Variants in NTM observed in about 807,000 individuals in gnomAD.
The protein encoded by NTM is IgLON family member 2.
Under a neutral mutation model 42.1 loss-of-function variants are expected in NTM, and 13 were observed. The observed-to-expected ratio is 0.31, with a 90% CI of 0.20 to 0.49. The LOEUF (loss-of-function observed/expected upper bound fraction) is 0.49. NTM is among the 20% of genes least tolerant of loss of function. The probability of loss-of-function intolerance (pLI) is 0.99; values close to 1 mark genes in which losing one functional copy is unlikely to be tolerated. For synonymous variants in NTM, 187 were observed against 179.2 expected, an observed-to-expected ratio of 1.04 and a Z score of -0.35; for missense variants, 373 against 452.8, an observed-to-expected ratio of 0.82 and a Z score of 1.60.
At chr11:131,681,519 C>T (rs568088375) in intron 1 of NTM, among the ~76,000 whole-genome samples, 1 of 43,566 alleles carries the variant, frequency 2.3e-5, no homozygotes, top group African/African-American at 6.8e-5. Context: ...GTTTCTGTGT[C>T]TGTGTGTATG....
At chr11:132,075,729 G>A (rs549035996) in intron 2 of NTM, among the ~76,000 whole-genome samples, 1 of 152,252 alleles carries the variant, frequency 6.6e-6, no homozygotes, top group African/African-American at 2.4e-5. Context: ...CCTCTTCCCA[G>A]AAAGGTTTAC....
chr11:131,497,992 A>G (rs1399610699), intron 1 of NTM, among the ~76,000 whole-genome samples: 1 of 152,230 alleles, frequency 6.6e-6, no homozygotes, highest in Admixed American at 6.5e-5. Context: ...AACAGAGGAA[A>G]GACTCAGCAG....
At chr11:132,269,242 G>A (rs1390920272) in intron 4 of NTM, among the ~76,000 whole-genome samples, 1 of 152,148 alleles carries the variant, frequency 6.6e-6, no homozygotes, top group African/African-American at 2.4e-5. Flanking sequence ...TTCTATTGCA[G>A]GTGTAGAGAT....
At chr11:132,021,219 G>GTTCTCTTTATACTTTTGT in intron 2 of NTM, among the ~76,000 whole-genome samples, 1 of 151,868 alleles carries the variant, frequency 6.6e-6, no homozygotes, top group Non-Finnish European at 1.5e-5. Flanking sequence ...TTTGCATTTG[G>GTTCTCTTTATACTTTTGT]TTCTCTTTAT....
At chr11:131,433,088 A>G (rs1380103297) in intron 1 of NTM, among the ~76,000 whole-genome samples, 1 of 151,548 alleles carries the variant, frequency 6.6e-6, no homozygotes, top group Non-Finnish European at 1.5e-5. Flanking sequence ...CGATCTCCTG[A>G]CCTCGTGATC....
At chr11:131,633,808 C>A (rs1403732625) in intron 1 of NTM, among the ~76,000 whole-genome samples, 10 of 127,336 alleles carry the variant, frequency 7.9e-5, no homozygotes, top group Admixed American at 6.5e-4. Flanking sequence ...ACACACACAG[C>A]CATACAATTT....
At chr11:132,070,853 C>G (rs1219770798) in intron 2 of NTM, among the ~76,000 whole-genome samples, 1 of 140,412 alleles carries the variant, frequency 7.1e-6, no homozygotes, top group African/African-American at 2.6e-5. Context: ...GTCACACTGA[C>G]CATCACAGGT....
chr11:132,074,536 A>G (rs1284759201), intron 2 of NTM, among the ~76,000 whole-genome samples: 1 of 139,460 alleles, frequency 7.2e-6, no homozygotes, highest in Non-Finnish European at 1.6e-5. Flanking sequence ...TGATTTAATA[A>G]CAGCTTTTTT....
chr11:131,763,185 C>T (rs1018542409), intron 1 of NTM, among the ~76,000 whole-genome samples: 10 of 152,168 alleles, frequency 6.6e-5, no homozygotes, highest in Admixed American at 2.0e-4. Context: ...GACTGCCAAG[C>T]TTTGGTATAA....
chr11:132,101,572 GTGTGTGTGTGTGTA>G (rs1485026459), intron 2 of NTM, among the ~76,000 whole-genome samples: 1 of 151,956 alleles, frequency 6.6e-6, no homozygotes, highest in Non-Finnish European at 1.5e-5. Flanking sequence ...GTGTGTGTGT[GTGTGTGTGTGTGTA>G]TGTTTGAATG....
intron 1 of NTM, among the ~76,000 whole-genome samples, chr11:131,793,120 A>G (rs2091158059): frequency 6.6e-6 from 1 of 152,246 alleles, no homozygotes; most frequent in Admixed American, 6.5e-5. Flanking sequence ...CTACATAAAA[A>G]ATAAAACTGC....
chr11:131,915,859 A>G, intron 2 of NTM, among the ~76,000 whole-genome samples: 1 of 152,194 alleles, frequency 6.6e-6, no homozygotes, highest in South Asian at 2.1e-4. Context: ...TGCCCCGATG[A>G]TTCAATTATC....
At chr11:132,313,180 CTG>C (rs2095328336) in intron 6 of NTM, among the ~76,000 whole-genome samples, 1 of 151,878 alleles carries the variant, frequency 6.6e-6, no homozygotes, top group Non-Finnish European at 1.5e-5. Flanking sequence ...CCAAAAAACA[CTG>C]TGACCCAGGG....
Position 131,507,871 on chromosome 11 carries a change from T to A in NTM, c.82+136983T>A, listed in dbSNP as rs182710728. ...TGGCTCTCTGTTTGTCTGTTGTTGG[T>A]GTATAAGAATGCTTGTGATTTTTGT... On this transcript the variant is annotated intron_variant, in intron 1 of 8. Transcript: ENST00000683400. 1.4e-4 allele frequency among the ~76,000 whole-genome samples: 22 copies of A among 152,010 alleles called. No individual in the cohort carries two copies. In the East Asian group the frequency reaches 4.3e-3, roughly 29 times the overall value.
In NTM at chr11:131,568,815, G is replaced by A. The variant is rs907586864; in HGVS notation, c.82+197927G>A. Among the ~76,000 whole-genome samples, 9 of 152,196 alleles carry A rather than the reference G, an allele frequency of 5.9e-5. No homozygotes were observed. The East Asian group carries it at 1.7e-3, about 29-fold the overall frequency. Reference sequence around the variant, plus strand: ...ATGAGGGGGCCTTAGTAATGTTGGGGAGGATTACAAATATATCAGTTCACA... The same window carrying A: ...ATGAGGGGGCCTTAGTAATGTTGGGAAGGATTACAAATATATCAGTTCACA... On this transcript the variant is annotated intron_variant, in intron 1 of 8. Transcript: ENST00000683400.
At chr11:132,260,321 C>T (rs1390019294) in intron 4 of NTM, among the ~76,000 whole-genome samples, 1 of 151,874 alleles carries the variant, frequency 6.6e-6, no homozygotes, top group Non-Finnish European at 1.5e-5. Context: ...CAAAGTCACA[C>T]AGCTAATTAG....
At chr11:131,857,772 G>A (rs954761668) in intron 1 of NTM, among the ~76,000 whole-genome samples, 29 of 151,942 alleles carry the variant, frequency 1.9e-4, no homozygotes, top group African/African-American at 7.0e-4. Context: ...CTATGTTATT[G>A]TCTCCTAACT....
At chr11:131,461,584 CT>C (rs983448932) in intron 1 of NTM, among the ~76,000 whole-genome samples, 9 of 152,068 alleles carry the variant, frequency 5.9e-5, no homozygotes, top group Non-Finnish European at 1.3e-4. Context: ...AGGATACAAA[CT>C]TGTAGCTGTA....
At chr11:131,843,623 G>A (rs12222255) in intron 1 of NTM, among the ~76,000 whole-genome samples, 12,499 of 152,280 alleles carry the variant, frequency 0.082, 587 homozygotes, top group East Asian at 0.19. Context: ...TAGGATAAAA[G>A]CACCTTCAAC....
Sources: gnomAD v4.1 joint callset for allele counts (sites outside exome capture counted in the v4.1 genomes callset) on GRCh38, gnomAD v4.1.1 for gene constraint, MANE v1.5 for transcripts, NCBI Gene and HGNC (gene_info 2026-07-23, HGNC 2026-07-21) for gene names.